DYNLRB1: variants seen among roughly 807,000 people sequenced by gnomAD.
The protein encoded by DYNLRB1 is dynein light chain roadblock-type 1.
A neutral mutation model predicts 13.5 loss-of-function variants in DYNLRB1; 6 were observed. The ratio of observed to expected loss-of-function variants is 0.44; its 90% CI spans 0.24 to 0.88. The LOEUF (loss-of-function observed/expected upper bound fraction) is 0.88. Among genes scored for constraint, DYNLRB1 ranks in the 40% least tolerant of loss-of-function variants. The pLI is 0.21. For missense variants in DYNLRB1, 93 were observed against 127.2 expected, an observed-to-expected ratio of 0.73 and a Z score of 1.29; for synonymous variants, 43 against 45.0, an observed-to-expected ratio of 0.96 and a Z score of 0.18.
At chr20:34,528,217 C>T (rs1980391282) in intron 2 of DYNLRB1, among the ~76,000 whole-genome samples, 1 of 77,164 alleles carries the variant, frequency 1.3e-5, no homozygotes, top group African/African-American at 5.1e-5. Context: ...GAGGCTGAGG[C>T]GGGAGAATGG....
chr20:34,516,146 C>T (rs567368635), upstream of DYNLRB1, among the ~76,000 whole-genome samples: 134 of 152,344 alleles, frequency 8.8e-4, no homozygotes, highest in African/African-American at 3.1e-3. Flanking sequence ...CCTTCCGACT[C>T]GGCCTCCCAA....
chr20:34,525,634 G>A (rs575835654), intron 1 of DYNLRB1, among the ~76,000 whole-genome samples: 1 of 152,298 alleles, frequency 6.6e-6, no homozygotes, highest in Admixed American at 6.5e-5. Context: ...GGGTAGGACA[G>A]GAGTGACAGG....
intron 1 of DYNLRB1, among the ~76,000 whole-genome samples, chr20:34,521,704 A>G (rs1262697282): frequency 1.3e-5 from 2 of 152,076 alleles, no homozygotes; most frequent in East Asian, 3.9e-4. Flanking sequence ...CCATCATCCC[A>G]TTGCCCAGAG....
intron 1 of DYNLRB1, chr20:34,516,986 G>A (rs926724448): frequency 7.8e-7 from 1 of 1,276,476 alleles, no homozygotes; most frequent in Middle Eastern, 2.0e-4. Context: ...AACCCTAGAA[G>A]CTTGACGGCC....
At position 34,528,338 on chromosome 20, in the gene DYNLRB1, A is replaced by AC. The variant is rs1277090899; in HGVS notation, c.79+1995_79+1996insC. ...AAAAAAAAAAAAAAAAAAAAAAAAA[A>AC]AAAAAACTACCCTACTGGAGTTTAC... On this transcript the variant is annotated intron_variant, in intron 2 of 3. Coordinates refer to ENST00000357156, the MANE Select transcript of DYNLRB1 (RefSeq NM_014183.4). Among the ~76,000 whole-genome samples, 3 of 38,642 alleles carry AC rather than the reference A, an allele frequency of 7.8e-5. 1 individual carries two copies. The highest frequency in any genetic ancestry group is 5.4e-4 in the East Asian group (1 of 1,854). 25.4% of individuals were successfully genotyped at this position (38,642 alleles called of 152,430 possible).
intron 3 of DYNLRB1, among the ~76,000 whole-genome samples, chr20:34,537,235 C>T (rs997795778): frequency 6.6e-5 from 10 of 152,186 alleles, no homozygotes; most frequent in African/African-American, 1.9e-4. Context: ...ACACATGCGG[C>T]GCTGTGCTGG....
At chr20:34,525,269 C>G (rs1397784280) in intron 1 of DYNLRB1, among the ~76,000 whole-genome samples, 4 of 152,056 alleles carry the variant, frequency 2.6e-5, no homozygotes, top group African/African-American at 9.7e-5. Context: ...CTAGACCAGT[C>G]TGGAAGGGGC....
At chr20:34,519,742 C>G (rs1279968193) in intron 1 of DYNLRB1, among the ~76,000 whole-genome samples, 2 of 152,094 alleles carry the variant, frequency 1.3e-5, no homozygotes, top group Admixed American at 6.5e-5. Flanking sequence ...TGCACTCATG[C>G]TAGTGGTTAT....
chr20:34,525,334 T>C (rs1370959119), intron 1 of DYNLRB1, among the ~76,000 whole-genome samples: 4 of 152,110 alleles, frequency 2.6e-5, no homozygotes, highest in African/African-American at 9.7e-5. Context: ...AAGAATTAAG[T>C]CTAGTTCAGT....
intron 1 of DYNLRB1, among the ~76,000 whole-genome samples, chr20:34,521,177 A>C (rs1979679496): frequency 6.6e-6 from 1 of 151,934 alleles, no homozygotes; most frequent in African/African-American, 2.4e-5. Context: ...CATGACGGCT[A>C]ATTTTTGTAT....
intron 2 of DYNLRB1, chr20:34,533,528 T>C: frequency 1.0e-6 from 1 of 985,460 alleles, no homozygotes; most frequent in Non-Finnish European, 1.2e-6. Context: ...TTTTAGTGTG[T>C]AGAAGTTTGT....
At chr20:34,539,613 T>C (rs566066677) in intron 3 of DYNLRB1, among the ~76,000 whole-genome samples, 7 of 151,974 alleles carry the variant, frequency 4.6e-5, no homozygotes, top group African/African-American at 1.7e-4. Flanking sequence ...TTCAGGCAGA[T>C]CTCCTGCCTC....
At chr20:34,532,250 A>G (rs1389170461) in intron 2 of DYNLRB1, among the ~76,000 whole-genome samples, 4 of 152,262 alleles carry the variant, frequency 2.6e-5, no homozygotes, top group African/African-American at 9.6e-5. Flanking sequence ...TGAATTAAGC[A>G]GTATTCAGCC....
chr20:34,531,156 C>G (rs1246248047), intron 2 of DYNLRB1: 1 of 152,246 alleles, frequency 6.6e-6, no homozygotes, highest in Non-Finnish European at 1.5e-5. Flanking sequence ...TCACTGCTGT[C>G]TGTAGTACTT....
intron 1 of DYNLRB1, chr20:34,516,818 G>T: frequency 6.5e-7 from 1 of 1,549,974 alleles, no homozygotes; most frequent in East Asian, 2.4e-5. Flanking sequence ...GTTTGTGGCA[G>T]GCTCTGCCAA....
At chr20:34,527,851 G>T (rs142269209) in intron 2 of DYNLRB1, among the ~76,000 whole-genome samples, 193 of 152,230 alleles carry the variant, frequency 1.3e-3, no homozygotes, top group African/African-American at 4.4e-3. Context: ...ATGTTTTCAG[G>T]GCTGTGGTCC....
chr20:34,524,646 A>G (rs1294857446), intron 1 of DYNLRB1, among the ~76,000 whole-genome samples: 1 of 151,680 alleles, frequency 6.6e-6, no homozygotes, highest in Admixed American at 6.6e-5. Context: ...GACCCACTGC[A>G]TTGTACTCTC....
chr20:34,528,815 A>G (rs1980467254), intron 2 of DYNLRB1, among the ~76,000 whole-genome samples: 1 of 152,084 alleles, frequency 6.6e-6, no homozygotes, highest in Non-Finnish European at 1.5e-5. Flanking sequence ...CCACACAAAA[A>G]AAAGAAAAAT....
intron 1 of DYNLRB1, among the ~76,000 whole-genome samples, chr20:34,521,411 C>A (rs183469657): frequency 6.6e-6 from 1 of 151,904 alleles, no homozygotes; most frequent in Non-Finnish European, 1.5e-5. Flanking sequence ...GCACTACCTA[C>A]TAGAGACTTG....
Sources: gnomAD v4.1 joint callset for allele counts (sites outside exome capture counted in the v4.1 genomes callset) on GRCh38, gnomAD v4.1.1 for gene constraint, MANE v1.5 for transcripts, NCBI Gene and HGNC (gene_info 2026-07-23, HGNC 2026-07-21) for gene names.